RBFOX1: variants seen among roughly 807,000 people sequenced by gnomAD.
RBFOX1 encodes the protein RNA binding protein fox-1 homolog 1.
In RBFOX1, 8 loss-of-function variants were observed where a neutral mutation model predicts 57.7. The ratio of observed to expected loss-of-function variants is 0.14; its 90% confidence interval spans 0.08 to 0.25. RBFOX1 has a LOEUF of 0.25. Ranked by LOEUF, RBFOX1 falls within the 10% of genes least tolerant of loss-of-function variation. The probability of loss-of-function intolerance (pLI) is 1.00; values close to 1 mark genes in which losing one functional copy is unlikely to be tolerated. For missense variants in RBFOX1, 611 were observed against 548.5 expected (o/e 1.11, Z -1.14); for synonymous variants, 326 against 222.4 (o/e 1.47, Z -4.15).
At chr16:6,752,094 C>T (rs1406153844) in intron 3 of RBFOX1, among the ~76,000 whole-genome samples, 8 of 152,112 alleles carry the variant, frequency 5.3e-5, no homozygotes, top group East Asian at 1.9e-4. Context: ...CCATCTACTC[C>T]GGTGACCCAC....
At chr16:5,639,285 T>A (rs768756109) in intron 3 of RBFOX1, among the ~76,000 whole-genome samples, 1 of 152,196 alleles carries the variant, frequency 6.6e-6, no homozygotes, top group African/African-American at 2.4e-5. Flanking sequence ...AAAAACCACA[T>A]AAAGGCCTGA....
chr16:7,538,771 A>C (rs904217491), intron 5 of RBFOX1, among the ~76,000 whole-genome samples: 12 of 152,130 alleles, frequency 7.9e-5, no homozygotes, highest in African/African-American at 2.9e-4. Flanking sequence ...ACCACTTGGA[A>C]CTGGGGAGTA....
chr16:7,218,045 G>T (rs1450478046), intron 4 of RBFOX1, among the ~76,000 whole-genome samples: 1 of 150,194 alleles, frequency 6.7e-6, no homozygotes, highest in African/African-American at 2.5e-5. Context: ...GCGTGTGCGT[G>T]CATTTGCATG....
chr16:5,707,918 G>C (rs185610720), intron 3 of RBFOX1, among the ~76,000 whole-genome samples: 12 of 152,300 alleles, frequency 7.9e-5, no homozygotes, highest in African/African-American at 2.9e-4. Context: ...TTGTAACTTT[G>C]AGGGTGGTAT....
chr16:7,088,860 A>T (rs2060380890), intron 4 of RBFOX1, among the ~76,000 whole-genome samples: 1 of 152,158 alleles, frequency 6.6e-6, no homozygotes, highest in Non-Finnish European at 1.5e-5. Context: ...TTTCATCAGC[A>T]TCATCATCAC....
intron 2 of RBFOX1, among the ~76,000 whole-genome samples, chr16:6,557,589 C>T (rs936643004): frequency 1.1e-4 from 16 of 152,104 alleles, no homozygotes; most frequent in Non-Finnish European, 2.9e-5. Flanking sequence ...GTGGGTGTTG[C>T]CGAAGTCCTG....
At chr16:6,015,235 C>A (rs1214926947), upstream of RBFOX1, among the ~76,000 whole-genome samples, 4 of 152,070 alleles carry the variant, frequency 2.6e-5, no homozygotes, top group African/African-American at 9.7e-5. Flanking sequence ...TTTAATATAT[C>A]ACTGATAATC....
At chr16:6,228,136 C>T (rs1042041518) in intron 1 of RBFOX1, among the ~76,000 whole-genome samples, 1 of 152,030 alleles carries the variant, frequency 6.6e-6, no homozygotes, top group Non-Finnish European at 1.5e-5. Flanking sequence ...CATGGTGAAA[C>T]CCCATCTCTA....
At chr16:7,437,379 A>G (rs2098731455) in intron 4 of RBFOX1, among the ~76,000 whole-genome samples, 1 of 152,106 alleles carries the variant, frequency 6.6e-6, no homozygotes, top group African/African-American at 2.4e-5. Flanking sequence ...TCCATCGCAC[A>G]GTGAATCATA....
intron 4 of RBFOX1, among the ~76,000 whole-genome samples, chr16:7,315,338 TAAAA>T (rs1201567564): frequency 6.6e-6 from 1 of 151,936 alleles, no homozygotes; most frequent in Non-Finnish European, 1.5e-5. Flanking sequence ...GCTCTTGAGT[TAAAA>T]AAGAAAGATA....
chr16:5,855,745 T>A (rs1567629855), intron 3 of RBFOX1, among the ~76,000 whole-genome samples: 1 of 152,078 alleles, frequency 6.6e-6, no homozygotes, highest in Non-Finnish European at 1.5e-5. Context: ...GGGTTGTTTT[T>A]TCTATTTCTT....
intron 2 of RBFOX1, among the ~76,000 whole-genome samples, chr16:6,580,600 C>T (rs879345052): frequency 1.3e-5 from 2 of 152,024 alleles, no homozygotes; most frequent in Non-Finnish European, 2.9e-5. Context: ...GGGGGGGATG[C>T]ATAATAGTGA....
At chr16:5,881,513 G>A (rs1306102728) in intron 4 of RBFOX1, among the ~76,000 whole-genome samples, 2 of 151,996 alleles carry the variant, frequency 1.3e-5, no homozygotes, top group Non-Finnish European at 2.9e-5. Flanking sequence ...AACACTGTCT[G>A]TACCAAAAAT....
At chr16:6,689,791 C>A (rs1240510148) in intron 3 of RBFOX1, among the ~76,000 whole-genome samples, 2 of 152,138 alleles carry the variant, frequency 1.3e-5, no homozygotes, top group African/African-American at 4.8e-5. Flanking sequence ...CGTCTTCCTA[C>A]GGGGAGAGAC....
intron 3 of RBFOX1, among the ~76,000 whole-genome samples, chr16:6,989,868 T>C (rs763853867): frequency 5.3e-5 from 8 of 151,918 alleles, no homozygotes; most frequent in Non-Finnish European, 1.2e-4. Flanking sequence ...GGCCTGGTGA[T>C]GGGCACCGTA....
At chr16:7,184,767 G>C (rs2083390828) in intron 4 of RBFOX1, among the ~76,000 whole-genome samples, 1 of 152,174 alleles carries the variant, frequency 6.6e-6, no homozygotes, top group African/African-American at 2.4e-5. Context: ...TTTCAAGTCA[G>C]AAACCTTAGT....
rs146186943 is a variant in RBFOX1 at position 7,051,168 on chromosome 16, C to G, written c.-15-889C>G. Among the ~76,000 whole-genome samples the G allele has an allele frequency of 1.4e-3, 216 of 152,198 alleles. 2 individuals carry two copies. The highest frequency in any genetic ancestry group is 5.0e-3 in the African/African-American group (209 of 41,520). ...GATATAGAATAAAGGTGAATGAAGA[C>G]CTAAATTTTATTTCAGCTTAACTAT... On this transcript the variant is annotated intron_variant, in intron 3 of 15. Transcript: ENST00000550418.
At chr16:5,674,760 G>A (rs1160198682) in intron 3 of RBFOX1, among the ~76,000 whole-genome samples, 1 of 152,178 alleles carries the variant, frequency 6.6e-6, no homozygotes, top group Admixed American at 6.5e-5. Flanking sequence ...AACTTCAGAT[G>A]AGCCACTTTT....
chr16:6,991,427 C>T (rs969980252), intron 3 of RBFOX1, among the ~76,000 whole-genome samples: 1 of 152,204 alleles, frequency 6.6e-6, no homozygotes, highest in South Asian at 2.1e-4. Flanking sequence ...AAGCTCATAT[C>T]CCATAGGGGA....
Sources: gnomAD v4.1 joint callset for allele counts (sites outside exome capture counted in the v4.1 genomes callset) on GRCh38, gnomAD v4.1.1 for gene constraint, MANE v1.5 for transcripts, NCBI Gene and HGNC (gene_info 2026-07-23, HGNC 2026-07-21) for gene names.